The following UNC13C variants were observed in gnomAD, a reference collection of about 807,000 sequenced individuals.
UNC13C encodes the protein protein unc-13 homolog C.
UNC13C carries 174 observed loss-of-function variants against 245.4 expected under a neutral mutation model. The observed-to-expected ratio is 0.71, with a 90% confidence interval of 0.63 to 0.80. The LOEUF is 0.80. Ranked by LOEUF, UNC13C falls within the 30% of genes least tolerant of loss-of-function variation. The probability of loss-of-function intolerance (pLI) is 0.00; values close to 1 mark genes in which losing one functional copy is unlikely to be tolerated. For synonymous variants in UNC13C, 992 were observed against 895.1 expected (o/e 1.11, Z -1.93); for missense variants, 2,829 against 2,602.9 (o/e 1.09, Z -1.89).
intron 4 of UNC13C, among the ~76,000 whole-genome samples, chr15:54,229,582 C>G (rs2035491349): frequency 6.6e-6 from 1 of 152,150 alleles, no homozygotes; most frequent in South Asian, 2.1e-4. Flanking sequence ...ATGGCAAAAT[C>G]TAGCTGATTA....
the UNC13C span, among the ~76,000 whole-genome samples, chr15:53,960,866 T>C: frequency 1.3e-5 from 2 of 152,204 alleles, no homozygotes; most frequent in Non-Finnish European, 1.5e-5. Context: ...CCACATAGCT[T>C]TCCTGATTTT....
intron 19 of UNC13C, among the ~76,000 whole-genome samples, chr15:54,455,974 T>C (rs1411131035): frequency 6.6e-6 from 1 of 152,212 alleles, no homozygotes; most frequent in African/African-American, 2.4e-5. Context: ...TTTCTGATGT[T>C]ATCTTCTAGA....
At chr15:54,146,811 G>A (rs574084308) in intron 4 of UNC13C, among the ~76,000 whole-genome samples, 1 of 152,284 alleles carries the variant, frequency 6.6e-6, no homozygotes, top group East Asian at 1.9e-4. Context: ...AGATAAAATG[G>A]AGAGGTAGCA....
chr15:54,181,582 A>T (rs1264914730), intron 4 of UNC13C, among the ~76,000 whole-genome samples: 1 of 151,946 alleles, frequency 6.6e-6, no homozygotes, highest in African/African-American at 2.4e-5. Context: ...GGTCTATGAA[A>T]AATGACATTG....
chr15:54,170,123 A>T (rs745796188), intron 4 of UNC13C, among the ~76,000 whole-genome samples: 8 of 151,880 alleles, frequency 5.3e-5, no homozygotes, highest in Admixed American at 1.3e-4. Flanking sequence ...TTTCTTGCAG[A>T]TAAGACCTTA....
At chr15:54,122,128 T>C (rs958700174) in intron 2 of UNC13C, among the ~76,000 whole-genome samples, 1 of 144,336 alleles carries the variant, frequency 6.9e-6, no homozygotes, top group Non-Finnish European at 1.5e-5. Context: ...TCTTGTTCCA[T>C]TTTTTTTTTC....
intron 2 of UNC13C, among the ~76,000 whole-genome samples, chr15:54,114,827 C>T (rs948677444): frequency 2.6e-5 from 4 of 152,092 alleles, no homozygotes; most frequent in African/African-American, 9.7e-5. Context: ...TGTTTCCATG[C>T]ATAAGAATGT....
chr15:54,348,918 G>A (rs1484872808), intron 17 of UNC13C, among the ~76,000 whole-genome samples: 2 of 151,830 alleles, frequency 1.3e-5, no homozygotes, highest in Non-Finnish European at 2.9e-5. Flanking sequence ...TATTTTTCCA[G>A]CAATGTACTT....
intron 25 of UNC13C, 74 bp downstream of exon 25, chr15:54,525,711 T>C (rs780501182): frequency 1.3e-5 from 16 of 1,230,252 alleles, no homozygotes; most frequent in Non-Finnish European, 1.6e-5. Context: ...CCTTCAATGC[T>C]GTTTCCTCTG....
At chr15:54,203,689 T>C (rs2034601757) in intron 4 of UNC13C, among the ~76,000 whole-genome samples, 1 of 147,930 alleles carries the variant, frequency 6.8e-6, no homozygotes, top group Admixed American at 6.8e-5. Context: ...TCGTGATTGA[T>C]TGGCATTTAT....
chr15:54,382,823 A>G (rs1187939066), intron 17 of UNC13C, among the ~76,000 whole-genome samples: 1 of 152,134 alleles, frequency 6.6e-6, no homozygotes, highest in Non-Finnish European at 1.5e-5. Flanking sequence ...GAAAAAAAGC[A>G]AGAAGCTCAA....
At position 54,046,816 on chromosome 15, in the gene UNC13C, T is replaced by C. The variant is rs564801826; in HGVS notation, c.2983+30930T>C. 5.9e-5 allele frequency among the ~76,000 whole-genome samples: 9 copies of C among 152,062 alleles called. 1 individual carries two copies. In the South Asian group the frequency reaches 6.2e-4, roughly 11 times the overall value. The stretch of plus-strand genomic sequence containing the variant: ...TCATAAACTGAGTACAAGTACACTC[T>C]TGTACCCAGTATCTGGGTCAAGAGC... On this transcript the variant is annotated intron_variant, in intron 2 of 32. Transcript: ENST00000260323.
intron 26 of UNC13C, among the ~76,000 whole-genome samples, chr15:54,546,086 T>TA (rs1396552524): frequency 6.6e-6 from 1 of 152,154 alleles, no homozygotes; most frequent in Non-Finnish European, 1.5e-5. Context: ...CCATCAATGA[T>TA]AGACTGGATA....
intron 30 of UNC13C, among the ~76,000 whole-genome samples, chr15:54,617,326 C>T (rs1425785589): frequency 6.6e-6 from 1 of 151,924 alleles, no homozygotes; most frequent in Non-Finnish European, 1.5e-5. Flanking sequence ...TCAAAATTTG[C>T]TTTTTCCTCT....
At chr15:54,057,438 C>G (rs1331237048) in intron 2 of UNC13C, among the ~76,000 whole-genome samples, 1 of 151,192 alleles carries the variant, frequency 6.6e-6, no homozygotes, top group Non-Finnish European at 1.5e-5. Context: ...GCACCCAATA[C>G]AGGAGCACCC....
intron 30 of UNC13C, among the ~76,000 whole-genome samples, chr15:54,597,631 T>A (rs1899167552): frequency 1.3e-5 from 2 of 151,080 alleles, no homozygotes. Flanking sequence ...TAAATTTTGA[T>A]CTTTTTCATA....
chr15:54,352,340 G>GTA (rs34071394), intron 17 of UNC13C, among the ~76,000 whole-genome samples: 1,593 of 141,922 alleles, frequency 0.011, 25 homozygotes, highest in East Asian at 0.044. Flanking sequence ...TTATATAAAT[G>GTA]TATATATATA....
Position 54,014,781 on chromosome 15 carries a change from T to G in UNC13C, c.1878T>G (p.Asp626Glu), listed in dbSNP as rs752174847. 11 of 1,613,802 alleles carry G rather than the reference T, an allele frequency of 6.8e-6. No individual in the cohort carries two copies. The highest frequency in any genetic ancestry group is 9.3e-6 in the Non-Finnish European group (11 of 1,179,816). ...AAACTGAAAACACAGAAACTGTGGA[T>G]AGTGGAATGAGTAATGGCATGGTGT... ...QTETENTETV[D>E]SGMSNGMVCA... The change falls in exon 2 of 33, where the codon GAT (aspartate) becomes GAG (glutamate). Residue 626 changes from aspartate (D) to glutamate (E), a missense_variant. Asp to Glu is a conservative substitution (Grantham distance 45). Transcript: ENST00000260323.
chr15:54,473,052 T>C (rs1892543922), intron 19 of UNC13C, among the ~76,000 whole-genome samples: 1 of 151,770 alleles, frequency 6.6e-6, no homozygotes, highest in South Asian at 2.1e-4. Flanking sequence ...TGTCTGTTGT[T>C]GCCATCTTTA....
Sources: gnomAD v4.1 joint callset for allele counts (sites outside exome capture counted in the v4.1 genomes callset) on GRCh38, gnomAD v4.1.1 for gene constraint, MANE v1.5 for transcripts, NCBI Gene and HGNC (gene_info 2026-07-23, HGNC 2026-07-21) for gene names.